Variants in WASHC2A observed in about 807,000 individuals in gnomAD.
The protein encoded by WASHC2A is WASH complex subunit FAM21A.
In WASHC2A, 82 loss-of-function variants were observed where a neutral mutation model predicts 140.3. The ratio of observed to expected loss-of-function variants is 0.58; its 90% CI spans 0.49 to 0.70. The LOEUF (loss-of-function observed/expected upper bound fraction) is 0.70, where lower values mean the gene tolerates loss of function less well. Ranked by LOEUF, WASHC2A falls within the 30% of genes least tolerant of loss-of-function variation. The pLI is 0.00. For missense variants in WASHC2A, 985 were observed against 1,521.8 expected (o/e 0.65, Z 5.87); for synonymous variants, 340 against 560.8 (o/e 0.61, Z 5.56).
At position 50,129,584 on chromosome 10, in the gene WASHC2A, G is replaced by T; in HGVS notation, c.3253G>T (p.Ala1085Ser). ...SPNGHRPQLR[A>S]ASGEDSTEEA... ...AAATGGCCATCGGCCACAGCTCAGAGCAGCCAGTGGAGAAGACAGCACTGA... is the reference window on the plus strand; with the variant it reads ...AAATGGCCATCGGCCACAGCTCAGATCAGCCAGTGGAGAAGACAGCACTGA... Residue 1085 changes from alanine (A) to serine (S), a missense_variant, in exon 29 of 31, where the codon GCA becomes TCA. By Grantham distance (99) the Ala-to-Ser change is moderately conservative. Transcript: ENST00000282633. The T allele has an allele frequency of 6.2e-7, 1 of 1,612,068 alleles. No individual in the cohort carries two copies. The highest frequency in any genetic ancestry group is 1.3e-5 in the African/African-American group (1 of 74,996).
Position 50,118,050 on chromosome 10 carries a change from T to C in WASHC2A, c.2287T>C (p.Ser763Pro), listed in dbSNP as rs1435936842. ...ATTTGGGAGAACTGATGTGGCTGAG[T>C]CAGAAAAGGTGGACTTTTTTCTCTT... is the stretch of plus-strand genomic sequence containing the variant. ...LKFGRTDVAE[S>P]EKEGLLTRSA... Residue 763 changes from serine to proline, a missense_variant, in exon 22 of 31, where the codon TCA becomes CCA. Physicochemically the swap from Ser to Pro is moderately conservative, Grantham distance 74. Transcript: ENST00000282633. The C allele has an allele frequency of 6.2e-7, 1 of 1,607,606 alleles. No individual in the cohort carries two copies. The highest frequency in any genetic ancestry group is 1.3e-5 in the African/African-American group (1 of 74,160).
chr10:50,109,024 C>T (rs1207873039), intron 19 of WASHC2A, among the ~76,000 whole-genome samples: 170 of 151,320 alleles, frequency 1.1e-3, no homozygotes, highest in African/African-American at 3.9e-3. Context: ...TGGATTTCAG[C>T]GTTTAGTCAC....
chr10:50,091,707 C>G (rs1469274981), intron 10 of WASHC2A, among the ~76,000 whole-genome samples, 189 bp downstream of exon 10: 2 of 152,194 alleles, frequency 1.3e-5, no homozygotes, highest in Non-Finnish European at 2.9e-5. Context: ...TAACTGAACA[C>G]TGTGGACCCA....
intron 17 of WASHC2A, among the ~76,000 whole-genome samples, chr10:50,103,239 A>G (rs2132743277): frequency 6.6e-6 from 1 of 151,290 alleles, no homozygotes; most frequent in East Asian, 1.9e-4. Context: ...AACATTTAAA[A>G]ATAAAGTTTA....
chr10:50,129,641 G>A lies in WASHC2A; in HGVS notation c.3310G>A (p.Glu1104Lys), dbSNP rs1156760507. ...EALAAAAAPW[E>K]GGPVPGVDRS... ...CCTGGCAGCTGCCGCTGCACCTTGGGAAGGTGGTCCTGTGCCTGGAGTGGA... is the reference window on the plus strand; with the variant it reads ...CCTGGCAGCTGCCGCTGCACCTTGGAAAGGTGGTCCTGTGCCTGGAGTGGA... Residue 1104 changes from glutamate to lysine, a missense_variant, in exon 29 of 31, where the codon GAA becomes AAA. Coordinates refer to ENST00000282633, the MANE Select transcript of WASHC2A (RefSeq NM_001005751.3). The A allele has an allele frequency of 2.5e-6, 4 of 1,611,978 alleles. No homozygotes were observed. Among genetic ancestry groups the A allele is most frequent in the Non-Finnish European group, 3.4e-6 (4 of 1,179,884 alleles).
At chr10:50,078,831 G>T in intron 4 of WASHC2A, 94 bp downstream of exon 4, 1 of 1,611,388 alleles carries the variant, frequency 6.2e-7, no homozygotes, top group South Asian at 1.1e-5. Context: ...ATGGTGGGCG[G>T]GGTTGGGAAA....
intron 28 of WASHC2A, among the ~76,000 whole-genome samples, chr10:50,128,518 A>G (rs867746744): frequency 1.3e-5 from 2 of 152,346 alleles, no homozygotes; most frequent in South Asian, 4.1e-4. Context: ...TCCCTTCTCT[A>G]GAAAGCTTTA....
Position 50,129,440 on chromosome 10 carries a change from A to T in WASHC2A, c.3109A>T (p.Lys1037Ter). The change falls in exon 29 of 31, where the codon AAG (lysine) becomes TAG (stop). Residue 1037 changes from lysine to a stop codon, truncating the protein, a stop_gained. Transcript: ENST00000282633. LOFTEE classifies it high-confidence loss of function. ...ANKSRVKMRGKRRPQTRAARR... is the reference protein window; with the variant it reads ...ANKSRVKMRG The stretch of plus-strand genomic sequence containing the variant: ...GCAGAGCCGTGTCAAGATGAGAGGG[A>T]AGCGTAGACCGCAGACCCGTGCAGC... The T allele has an allele frequency of 6.2e-7, 1 of 1,611,984 alleles. No homozygotes were observed. Among genetic ancestry groups the T allele is most frequent in the African/African-American group, 1.3e-5 (1 of 74,984 alleles).
chr10:50,102,311 C>G (rs1305909948), intron 17 of WASHC2A, among the ~76,000 whole-genome samples: 1 of 152,186 alleles, frequency 6.6e-6, no homozygotes, highest in Non-Finnish European at 1.5e-5. Context: ...AAGTGTGAGG[C>G]TGAAGCTTGC....
intron 3 of WASHC2A, among the ~76,000 whole-genome samples, 162 bp downstream of exon 3, chr10:50,069,873 G>A (rs1589134204): frequency 6.6e-6 from 1 of 152,244 alleles, no homozygotes; most frequent in South Asian, 2.1e-4. Flanking sequence ...TATTTGTAAA[G>A]TTTTAAGTCC....
chr10:50,085,151 G>T, intron 6 of WASHC2A, among the ~76,000 whole-genome samples: 3 of 79,708 alleles, frequency 3.8e-5, no homozygotes, highest in Admixed American at 1.3e-4. Context: ...CTGTGGTCCG[G>T]GACTCAATCC....
intron 3 of WASHC2A, among the ~76,000 whole-genome samples, chr10:50,071,600 C>A (rs564583948): frequency 2.0e-5 from 3 of 151,256 alleles, no homozygotes; most frequent in East Asian, 1.9e-4. Flanking sequence ...CCACGGCGCC[C>A]GGCAAGGGAA....
chr10:50,079,588 G>A (rs1216127761), intron 4 of WASHC2A, among the ~76,000 whole-genome samples: 2 of 152,148 alleles, frequency 1.3e-5, no homozygotes, highest in Non-Finnish European at 2.9e-5. Flanking sequence ...TTGTAGAGAC[G>A]GGGTTTTGCC....
chr10:50,117,728 G>A (rs1473416310), intron 21 of WASHC2A, among the ~76,000 whole-genome samples, 178 bp from the exon 22 acceptor site: 1 of 131,170 alleles, frequency 7.6e-6, no homozygotes, highest in African/African-American at 2.6e-5. Context: ...CACAAGTCCC[G>A]GGTGGTGGTG....
chr10:50,090,265 G>T (rs1839761051), intron 8 of WASHC2A, among the ~76,000 whole-genome samples: 1 of 149,828 alleles, frequency 6.7e-6, no homozygotes, highest in Non-Finnish European at 1.5e-5. Flanking sequence ...AGTTTGGGAG[G>T]CTGAGGCGGG....
At position 50,129,780 on chromosome 10, in the gene WASHC2A, C is replaced by G; in HGVS notation, c.3449C>G (p.Pro1150Arg). The stretch of plus-strand genomic sequence containing the variant: ...TCTCAGTCTGTGGAGAGAACAAAAC[C>G]CAAGGCAAAGATAGCAGAGAATCCT... ...TGSQSVERTKPKAKIAENPAN... is the reference protein window; with the variant it reads ...TGSQSVERTKRKAKIAENPAN... Residue 1150 changes from proline (P) to arginine (R), a missense_variant, in exon 29 of 31, where the codon CCC becomes CGC. Physicochemically the swap from Pro to Arg is moderately radical, Grantham distance 103. Coordinates refer to ENST00000282633, the MANE Select transcript of WASHC2A (RefSeq NM_001005751.3). 1 of 1,612,010 alleles carries G rather than the reference C, an allele frequency of 6.2e-7. No homozygotes were observed. Among genetic ancestry groups the G allele is most frequent in the South Asian group, 1.1e-5 (1 of 90,982 alleles).
At position 50,106,364 on chromosome 10, in the gene WASHC2A, A is replaced by C. The variant is rs558568343; in HGVS notation, c.1768A>C (p.Lys590Gln). 10 of 1,611,926 alleles carry C rather than the reference A, an allele frequency of 6.2e-6. No homozygotes were observed. The East Asian group carries it at 2.0e-4, about 32-fold the overall frequency. Residue 590 changes from lysine (K) to glutamine (Q), a missense_variant, in exon 19 of 31, where the codon AAG (lysine) becomes CAG (glutamine). Physicochemically the swap from Lys to Gln is moderately conservative, Grantham distance 53 (BLOSUM62 1). Transcript: ENST00000282633. ...DNLFGGTAAKKQTLCLQAQRE... is the reference protein window; with the variant it reads ...DNLFGGTAAKQQTLCLQAQRE... Reference sequence around the variant, plus strand: ...TCTTTTTGGGGGTACAGCTGCTAAGAAGCAGACATTGTGTCTACAAGCTCA... The same window carrying C: ...TCTTTTTGGGGGTACAGCTGCTAAGCAGCAGACATTGTGTCTACAAGCTCA...
intron 17 of WASHC2A, among the ~76,000 whole-genome samples, chr10:50,103,179 A>G (rs1841382726): frequency 6.6e-6 from 1 of 151,952 alleles, no homozygotes; most frequent in East Asian, 1.9e-4. Context: ...ATCAGGTCTT[A>G]TCCTGGTTTG....
intron 8 of WASHC2A, among the ~76,000 whole-genome samples, chr10:50,090,197 T>C (rs1290402921): frequency 8.6e-5 from 13 of 151,642 alleles, no homozygotes; most frequent in Admixed American, 6.6e-4. Context: ...TGTTGTTACA[T>C]TCTTATAAAG....
Sources: allele counts gnomAD v4.1 joint callset (sites outside exome capture counted in the v4.1 genomes callset), GRCh38; gene constraint gnomAD v4.1.1; transcripts MANE v1.5; gene names NCBI Gene and HGNC (gene_info 2026-07-23, HGNC 2026-07-21).